AP1S2: variants seen among roughly 807,000 people sequenced by gnomAD.
AP1S2 encodes the protein adaptor related protein complex 1 subunit sigma 2, also known as AP-1 complex subunit sigma-2.
A neutral mutation model predicts 14.3 loss-of-function variants in AP1S2; 1 was observed. The observed-to-expected ratio is 0.07, with a 90% CI of 0.02 to 0.33. The LOEUF is 0.33. Ranked by LOEUF, AP1S2 falls within the 10% of genes least tolerant of loss-of-function variation. The pLI is 0.99. For missense variants in AP1S2, 30 were observed against 117.7 expected (o/e 0.25, Z 3.45); for synonymous variants, 30 against 40.5 (o/e 0.74, Z 0.99).
At chrX:15,845,195 A>G (rs780580566) in intron 4 of AP1S2, 184 bp downstream of exon 4, 140 of 752,525 alleles carry the variant, frequency 1.9e-4, no homozygotes, top group Middle Eastern at 7.6e-4. Context: ...AAACTGAACC[A>G]TCCATCCATA....
At chrX:15,852,729 G>C in intron 1 of AP1S2, 2 of 368,707 alleles carry the variant, frequency 5.4e-6, no homozygotes, top group Non-Finnish European at 7.0e-6. Flanking sequence ...ATCCCACCTT[G>C]TTCCACATTA....
intron 2 of AP1S2, among the ~76,000 whole-genome samples, chrX:15,851,445 T>G (rs903607731): frequency 8.9e-6 from 1 of 112,300 alleles, no homozygotes; most frequent in Non-Finnish European, 1.9e-5. Flanking sequence ...GTTACTTCCA[T>G]GTATACTCCC....
chrX:15,853,243 T>C (rs763084760), intron 1 of AP1S2, among the ~76,000 whole-genome samples: 10 of 112,624 alleles, frequency 8.9e-5, no homozygotes, highest in Non-Finnish European at 1.9e-4. Flanking sequence ...TAAATAAGAT[T>C]CAGCATTGAA....
intron 4 of AP1S2, chrX:15,832,653 G>A: frequency 1.3e-6 from 1 of 789,147 alleles, no homozygotes; most frequent in East Asian, 9.2e-5. Context: ...TGTATCAATG[G>A]CATTAGTGAT....
intron 5 of AP1S2, 150 bp from the exon 6 acceptor site, chrX:15,827,522 T>TA (rs1933301892): frequency 1.7e-6 from 1 of 574,114 alleles, no homozygotes; most frequent in Non-Finnish European, 3.0e-6. Flanking sequence ...ATTGGTTATT[T>TA]AGGGTTTTGT....
At chrX:15,837,693 G>A (rs1933688866) in intron 4 of AP1S2, among the ~76,000 whole-genome samples, 1 of 100,205 alleles carries the variant, frequency 1.0e-5, no homozygotes, top group African/African-American at 3.8e-5. Flanking sequence ...TGCAACCTCC[G>A]ACTCCCTGGT....
At chrX:15,849,938 G>A (rs919884190) in intron 2 of AP1S2, among the ~76,000 whole-genome samples, 4 of 111,278 alleles carry the variant, frequency 3.6e-5, no homozygotes, top group African/African-American at 9.8e-5. Flanking sequence ...TTCACACTTC[G>A]CCCCATTACA....
chrX:15,839,023 C>T (rs902322250), intron 4 of AP1S2, among the ~76,000 whole-genome samples: 1 of 112,083 alleles, frequency 8.9e-6, no homozygotes, highest in Non-Finnish European at 1.9e-5. Flanking sequence ...GCTGGGATTA[C>T]AGGCGTGAGC....
intron 2 of AP1S2, among the ~76,000 whole-genome samples, chrX:15,848,220 G>GA (rs915089676): frequency 9.0e-5 from 10 of 111,284 alleles, no homozygotes; most frequent in East Asian, 2.8e-4. Context: ...CTTAGGGCAG[G>GA]AAAAAAACAG....
At chrX:15,843,251 G>A (rs749859322) in intron 4 of AP1S2, among the ~76,000 whole-genome samples, 8 of 111,532 alleles carry the variant, frequency 7.2e-5, no homozygotes, top group Non-Finnish European at 1.1e-4. Context: ...CAATTTCCCA[G>A]TAGCATTTAA....
chrX:15,845,645 A>G, intron 3 of AP1S2, 129 bp from the exon 4 acceptor site: 1 of 935,095 alleles, frequency 1.1e-6, no homozygotes. Flanking sequence ...ACTCTTTCTA[A>G]AAATGACTAA....
chrX:15,854,422 A>G (rs1934272816), intron 1 of AP1S2, among the ~76,000 whole-genome samples: 1 of 112,672 alleles, frequency 8.9e-6, no homozygotes, highest in East Asian at 2.8e-4. Flanking sequence ...AGCGCCCCGC[A>G]AAACTTGAGG....
intron 4 of AP1S2, among the ~76,000 whole-genome samples, chrX:15,839,998 C>G (rs901078232): frequency 9.0e-6 from 1 of 111,622 alleles, no homozygotes; most frequent in African/African-American, 3.3e-5. Context: ...AAAAATATAG[C>G]ATAGTACTAA....
chrX:15,852,254 GTTA>G, intron 2 of AP1S2, 89 bp downstream of exon 2: 1 of 819,959 alleles, frequency 1.2e-6, no homozygotes, highest in Non-Finnish European at 1.7e-6. Flanking sequence ...TTTATTAATC[GTTA>G]TTTATAAATG....
At chrX:15,852,250 A>T in intron 2 of AP1S2, 96 bp downstream of exon 2, 1 of 808,349 alleles carries the variant, frequency 1.2e-6, no homozygotes, top group Non-Finnish European at 1.8e-6. Context: ...AATCTTTATT[A>T]ATCGTTATTT....
intron 4 of AP1S2, among the ~76,000 whole-genome samples, chrX:15,835,766 T>C (rs1275680303): frequency 1.8e-5 from 2 of 111,158 alleles, no homozygotes; most frequent in Non-Finnish European, 3.8e-5. Context: ...GTATACTCTT[T>C]CATTCACACA....
chrX:15,836,040 T>A (rs766297260), intron 4 of AP1S2, among the ~76,000 whole-genome samples: 11 of 111,448 alleles, frequency 9.9e-5, no homozygotes, highest in Non-Finnish European at 2.1e-4. Context: ...AAAAAATCGA[T>A]CTCATTTCTT....
rs1316168525 is a variant in AP1S2, at chrX:15,827,388, G to A, written c.436-16C>T. The A allele has an allele frequency of 8.4e-7, 1 of 1,189,474 alleles. No homozygotes were observed. On this transcript the variant is annotated splice_polypyrimidine_tract_variant and intron_variant, in intron 5 of 5. Transcript: ENST00000672987. Reference sequence around the variant, plus strand: ...TTTCAGCTTCCTGTGGAGGGAAAATGTGAGACTCTGGTAAGCAGATCCAGG... The same window carrying A: ...TTTCAGCTTCCTGTGGAGGGAAAATATGAGACTCTGGTAAGCAGATCCAGG...
chrX:15,847,217 A>G (rs1213065596), intron 2 of AP1S2, among the ~76,000 whole-genome samples: 1 of 111,667 alleles, frequency 9.0e-6, no homozygotes, highest in Non-Finnish European at 1.9e-5. Flanking sequence ...GAAAATAACT[A>G]GTATTCACAC....
Sources: gnomAD v4.1 joint callset for allele counts (sites outside exome capture counted in the v4.1 genomes callset) on GRCh38, gnomAD v4.1.1 for gene constraint, MANE v1.5 for transcripts, NCBI Gene and HGNC (gene_info 2026-07-23, HGNC 2026-07-21) for gene names.